Variants in ZNF251 observed in about 807,000 individuals in gnomAD.
ZNF251 encodes the protein zinc finger protein 251.
ZNF251 carries 14 observed loss-of-function variants against 13.5 expected under a neutral mutation model. The ratio of observed to expected loss-of-function variants is 1.04; its 90% CI spans 0.69 to 1.63. The LOEUF (loss-of-function observed/expected upper bound fraction) is 1.63, where lower values mean the gene tolerates loss of function less well. Ranked by LOEUF, ZNF251 falls within the 40% of genes most tolerant of loss-of-function variation. ZNF251 has a pLI of 0.00. For synonymous variants in ZNF251, 287 were observed against 295.2 expected (o/e 0.97, Z 0.28); for missense variants, 764 against 834.9 (o/e 0.92, Z 1.05).
At position 144,722,551 on chromosome 8, in the gene ZNF251, A is replaced by G; in HGVS notation, c.1109T>C (p.Ile370Thr). Residue 370 changes from isoleucine (I) to threonine (T), a missense_variant, in exon 5 of 5, where the codon ATT (isoleucine) becomes ACT (threonine). Coordinates refer to ENST00000292562, the MANE Select transcript of ZNF251 (RefSeq NM_138367.2). This position sits in a 1 kb window ranked among gnomAD's most constrained non-coding sequence, Gnocchi z 4.8. ...RSSSLIQHER[I>T]HTGEKPHKCN... ...TTTATGGGGCTTCTCTCCAGTGTGA[A>G]TTCTCTCATGCTGAATAAGGCTGGA... 1 of 1,613,828 alleles carries G rather than the reference A, an allele frequency of 6.2e-7. No individual in the cohort carries two copies. The highest frequency in any genetic ancestry group is 8.5e-7 in the Non-Finnish European group (1 of 1,179,930).
intron 4 of ZNF251, among the ~76,000 whole-genome samples, chr8:144,740,908 G>T (rs1824129841): frequency 6.6e-6 from 1 of 151,822 alleles, no homozygotes; most frequent in African/African-American, 2.4e-5. Context: ...ACTCCGGCCT[G>T]GGCAAGAAGA....
At chr8:144,730,752 G>T (rs577201961) in intron 4 of ZNF251, among the ~76,000 whole-genome samples, 1 of 152,232 alleles carries the variant, frequency 6.6e-6, no homozygotes, top group Non-Finnish European at 1.5e-5. Flanking sequence ...GTGGCTCTCC[G>T]GGGTGCCCAT....
chr8:144,754,416 C>T, intron 2 of ZNF251, 95 bp from the exon 3 acceptor site: 1 of 1,467,522 alleles, frequency 6.8e-7, no homozygotes. Context: ...CTACCCAGGG[C>T]CCTGCTGTGG....
At chr8:144,753,908 AG>A (rs1309915643) in intron 3 of ZNF251, 112 bp from the exon 4 acceptor site, 5 of 861,708 alleles carry the variant, frequency 5.8e-6, no homozygotes, top group Non-Finnish European at 8.8e-6. Context: ...TGTGTTGGTC[AG>A]GGGGCCCGTG....
chr8:144,727,059 A>G (rs1423286722), intron 4 of ZNF251, among the ~76,000 whole-genome samples: 2 of 152,136 alleles, frequency 1.3e-5, no homozygotes, highest in African/African-American at 4.8e-5. Flanking sequence ...CTCTGAAAAA[A>G]AATTTTTTTT....
chr8:144,724,336 ATGACCTTTTTTTGAGATAG>A (rs2129926455), intron 4 of ZNF251, among the ~76,000 whole-genome samples: 1 of 151,812 alleles, frequency 6.6e-6, no homozygotes, highest in East Asian at 1.9e-4. Context: ...CTGTAAATAA[ATGACCTTTTTTTGAGATAG>A]TGTCTTGCTC....
chr8:144,746,474 T>C (rs1824435627), intron 4 of ZNF251, among the ~76,000 whole-genome samples: 1 of 152,238 alleles, frequency 6.6e-6, no homozygotes, highest in African/African-American at 2.4e-5. Flanking sequence ...CTGTTTGGTT[T>C]TGGCATTTGG....
At chr8:144,754,346 C>A in intron 2 of ZNF251, 25 bp from the exon 3 acceptor site, 1 of 1,576,994 alleles carries the variant, frequency 6.3e-7, no homozygotes, top group South Asian at 1.2e-5. Context: ...CGCCGCTGCC[C>A]AGGCCATGCC....
chr8:144,755,427 CCACCGAGGAAG>C lies in ZNF251; in HGVS notation c.-109_-99del, dbSNP rs1563775158. 2 of 1,287,730 alleles carry C rather than the reference CCACCGAGGAAG, an allele frequency of 1.6e-6. No individual in the cohort carries two copies. Among genetic ancestry groups the C allele is most frequent in the African/African-American group, 3.0e-5 (2 of 65,800 alleles). 79.8% of individuals were successfully genotyped at this position (1,287,730 alleles called of 1,614,324 possible). On this transcript the variant is annotated 5_prime_UTR_variant, in exon 1 of 5. Coordinates refer to ENST00000292562, the MANE Select transcript of ZNF251 (RefSeq NM_138367.2). ...CACCTGTTTGCTCGACCCGGGGAAG[CCACCGAGGAAG>C]CGCCGAGGAGCTGCGCAGTCGCACC...
intron 4 of ZNF251, among the ~76,000 whole-genome samples, chr8:144,745,258 T>C (rs913454587): frequency 6.6e-5 from 10 of 150,976 alleles, no homozygotes; most frequent in Non-Finnish European, 1.5e-4. Context: ...AAGATCATCC[T>C]TTCTACATTG....
chr8:144,739,955 T>C (rs934269511), intron 4 of ZNF251, among the ~76,000 whole-genome samples: 2 of 151,800 alleles, frequency 1.3e-5, no homozygotes. Context: ...GCTCTGAATC[T>C]TCTCATGTCT....
At chr8:144,730,891 A>G (rs2129953173) in intron 4 of ZNF251, among the ~76,000 whole-genome samples, 1 of 152,352 alleles carries the variant, frequency 6.6e-6, no homozygotes, top group African/African-American at 2.4e-5. Flanking sequence ...TTGGCTGACA[A>G]GATCTTACTC....
chr8:144,738,633 C>T, intron 4 of ZNF251: 3 of 985,448 alleles, frequency 3.0e-6, no homozygotes, highest in Non-Finnish European at 3.6e-6. Flanking sequence ...CTGCCTTCTG[C>T]CCATAGATTT....
chr8:144,740,968 C>A (rs886154480), intron 4 of ZNF251, among the ~76,000 whole-genome samples: 8 of 152,002 alleles, frequency 5.3e-5, no homozygotes, highest in African/African-American at 7.2e-5. Flanking sequence ...AAAAAACCCC[C>A]AAAAATAAAT....
intron 4 of ZNF251, among the ~76,000 whole-genome samples, chr8:144,743,382 C>T (rs1824261247): frequency 6.6e-6 from 1 of 152,154 alleles, no homozygotes; most frequent in Admixed American, 6.5e-5. Context: ...CCTTTTAGCC[C>T]TGAATATGAT....
At chr8:144,742,594 G>T (rs574448436) in intron 4 of ZNF251, among the ~76,000 whole-genome samples, 21 of 151,612 alleles carry the variant, frequency 1.4e-4, no homozygotes, top group Non-Finnish European at 8.8e-5. Context: ...TCGTGGTGCC[G>T]CGTGATCTAT....
At chr8:144,732,241 C>T (rs1361997481) in intron 4 of ZNF251, among the ~76,000 whole-genome samples, 1 of 152,152 alleles carries the variant, frequency 6.6e-6, no homozygotes, top group Non-Finnish European at 1.5e-5. Flanking sequence ...CTGTGCCCAG[C>T]CTTGCAATTT....
At chr8:144,754,940 C>CT in intron 1 of ZNF251, 137 bp from the exon 2 acceptor site, 1 of 1,419,164 alleles carries the variant, frequency 7.0e-7, no homozygotes, top group East Asian at 2.6e-5. Context: ...CCGACGTGCC[C>CT]TACTGCTCAG....
intron 4 of ZNF251, chr8:144,738,743 C>A: frequency 4.1e-6 from 4 of 985,134 alleles, no homozygotes; most frequent in Non-Finnish European, 4.8e-6. Context: ...TTGTTCAAGG[C>A]AACCTCGTGG....
Sources: gnomAD v4.1 joint callset for allele counts (sites outside exome capture counted in the v4.1 genomes callset) on GRCh38, gnomAD v4.1.1 for gene constraint, Gnocchi (gnomAD v3.1) non-coding constraint, MANE v1.5 for transcripts, NCBI Gene and HGNC (gene_info 2026-07-23, HGNC 2026-07-21) for gene names.